Variants in ASPH observed in about 807,000 individuals in gnomAD.
ASPH encodes aspartate beta-hydroxylase, also known as aspartyl/asparaginyl beta-hydroxylase.
ASPH carries 100 observed loss-of-function variants against 118.4 expected under a neutral mutation model. That is an observed-to-expected ratio of 0.84 (90% CI 0.72 to 1.00). The LOEUF (loss-of-function observed/expected upper bound fraction) is 1.00. ASPH is among the 50% of genes least tolerant of loss of function. ASPH has a pLI of 0.00. For synonymous variants in ASPH, 315 were observed against 325.6 expected (o/e 0.97, Z 0.35); for missense variants, 920 against 919.5 (o/e 1.00, Z -0.01).
At chr8:61,639,075 A>C (rs769194135) in intron 10 of ASPH, among the ~76,000 whole-genome samples, 3 of 152,214 alleles carry the variant, frequency 2.0e-5, no homozygotes, top group African/African-American at 4.8e-5. Flanking sequence ...GTATTGGGGT[A>C]CAGCAGGGAA....
At chr8:61,593,275 G>A (rs796821993) in intron 14 of ASPH, among the ~76,000 whole-genome samples, 3 of 152,154 alleles carry the variant, frequency 2.0e-5, no homozygotes, top group African/African-American at 7.2e-5. Context: ...CCCCTTCTGA[G>A]GCTTTTTTTC....
chr8:61,699,593 A>AG (rs1834765918), intron 1 of ASPH, among the ~76,000 whole-genome samples: 1 of 152,158 alleles, frequency 6.6e-6, no homozygotes, highest in Non-Finnish European at 1.5e-5. Flanking sequence ...AGTTGCAATG[A>AG]GAAAAAAAAA....
chr8:61,526,220 G>T (rs944498109), intron 21 of ASPH, 108 bp from the exon 22 acceptor site: 7 of 1,396,334 alleles, frequency 5.0e-6, no homozygotes, highest in Non-Finnish European at 6.8e-6. Context: ...CTAATTCTTT[G>T]CCTTATCTAG....
intron 19 of ASPH, 123 bp from the exon 20 acceptor site, chr8:61,553,243 A>G (rs773395201): frequency 1.5e-5 from 10 of 682,004 alleles, no homozygotes; most frequent in Non-Finnish European, 2.2e-5. Context: ...ATATATCTCC[A>G]TATTAAACTT....
chr8:61,643,008 C>T (rs994060500), intron 9 of ASPH, 88 bp from the exon 10 acceptor site: 7 of 1,183,400 alleles, frequency 5.9e-6, no homozygotes, highest in South Asian at 4.8e-5. Context: ...ACTACTTAAT[C>T]GTAAACACAG....
intron 1 of ASPH, among the ~76,000 whole-genome samples, chr8:61,706,404 C>CAAA (rs55731088): frequency 3.2e-3 from 228 of 70,504 alleles, no homozygotes; most frequent in South Asian, 6.1e-3. Context: ...GGTCATGACT[C>CAAA]AAAAAAAAAA....
intron 3 of ASPH, chr8:61,664,726 A>C: frequency 2.0e-6 from 2 of 986,030 alleles, no homozygotes; most frequent in Non-Finnish European, 2.4e-6. Context: ...GGCCCCCTGA[A>C]AGGCTGCGGG....
At chr8:61,678,428 A>G (rs1042992526) in intron 3 of ASPH, among the ~76,000 whole-genome samples, 3 of 152,162 alleles carry the variant, frequency 2.0e-5, no homozygotes, top group African/African-American at 7.2e-5. Flanking sequence ...ATGAAGAAAA[A>G]TGGGCTTAGC....
At chr8:61,624,731 T>C in intron 13 of ASPH, 3 of 985,750 alleles carry the variant, frequency 3.0e-6, no homozygotes, top group Non-Finnish European at 3.6e-6. Flanking sequence ...TCTACAAAAA[T>C]CCAGCAAAAC....
intron 13 of ASPH, chr8:61,625,928 T>A (rs1852597195): frequency 9.3e-7 from 1 of 1,075,296 alleles, no homozygotes; most frequent in Non-Finnish European, 1.1e-6. Flanking sequence ...TGCTGCTACA[T>A]CACCAATATA....
chr8:61,579,736 AC>A, intron 15 of ASPH: 1 of 893,368 alleles, frequency 1.1e-6, no homozygotes, highest in Non-Finnish European at 1.9e-6. Context: ...GAAGGAGGCC[AC>A]TATTCAGGGT....
intron 14 of ASPH, among the ~76,000 whole-genome samples, chr8:61,613,107 G>A (rs1276961201): frequency 6.6e-6 from 1 of 152,126 alleles, no homozygotes; most frequent in Admixed American, 6.6e-5. Context: ...TGTCTACTTG[G>A]CTAAGCCATG....
chr8:61,569,826 C>A (rs947529073), intron 16 of ASPH, among the ~76,000 whole-genome samples: 9 of 152,140 alleles, frequency 5.9e-5, no homozygotes, highest in South Asian at 2.1e-4. Flanking sequence ...TCTTATCTAC[C>A]AGGAGAGAAA....
At chr8:61,567,387 A>T in intron 16 of ASPH, 69 bp from the exon 17 acceptor site, 1 of 1,455,492 alleles carries the variant, frequency 6.9e-7, no homozygotes, top group South Asian at 1.4e-5. Flanking sequence ...CAAAATATTC[A>T]TAAAAAGTTA....
intron 15 of ASPH, chr8:61,579,679 T>C (rs2132312759): frequency 7.4e-7 from 1 of 1,359,142 alleles, no homozygotes; most frequent in Non-Finnish European, 1.0e-6. Flanking sequence ...TGAACAGCTG[T>C]GGCAGCCCCT....
At chr8:61,578,971 G>A in intron 15 of ASPH, 1 of 1,610,900 alleles carries the variant, frequency 6.2e-7, no homozygotes, top group Non-Finnish European at 8.5e-7. Flanking sequence ...ATGGACAACA[G>A]CCGCTCCCTG....
chr8:61,680,236 TAA>T (rs1173083883), intron 3 of ASPH, among the ~76,000 whole-genome samples: 2 of 151,772 alleles, frequency 1.3e-5, no homozygotes, highest in Non-Finnish European at 3.0e-5. Flanking sequence ...GACTCTTATA[TAA>T]AAAGTTTTAA....
chr8:61,534,574 C>A (rs778010897), intron 21 of ASPH, among the ~76,000 whole-genome samples: 2 of 152,146 alleles, frequency 1.3e-5, no homozygotes, highest in Non-Finnish European at 2.9e-5. Flanking sequence ...TGCCTCTTGG[C>A]CTATACACTT....
intron 14 of ASPH, among the ~76,000 whole-genome samples, chr8:61,609,057 G>A (rs968742076): frequency 7.9e-5 from 12 of 152,186 alleles, no homozygotes; most frequent in Admixed American, 2.0e-4. Flanking sequence ...GATGGAGGGC[G>A]AGGAGGAAAG....
Sources: allele counts gnomAD v4.1 joint callset (sites outside exome capture counted in the v4.1 genomes callset), GRCh38; gene constraint gnomAD v4.1.1; transcripts MANE v1.5; gene names NCBI Gene and HGNC (gene_info 2026-07-23, HGNC 2026-07-21).